The following NYAP2 variants were observed in gnomAD, a reference collection of about 807,000 sequenced individuals.
NYAP2 encodes the protein neuronal tyrosine-phosphorylated phosphoinositide-3-kinase adaptor 2, also known as neuronal tyrosine-phosphorylated phosphoinositide-3-kinase adapter 2.
NYAP2 carries 23 observed loss-of-function variants against 50.4 expected under a neutral mutation model. The observed-to-expected ratio is 0.46, with a 90% confidence interval of 0.33 to 0.65. NYAP2 has a LOEUF of 0.65. Among genes scored for constraint, NYAP2 ranks in the 30% least tolerant of loss-of-function variants. The pLI is 0.02. For missense variants in NYAP2, 885 were observed against 861.0 expected (o/e 1.03, Z -0.35); for synonymous variants, 394 against 365.2 (o/e 1.08, Z -0.90).
At chr2:225,676,479 A>G in the NYAP2 span, among the ~76,000 whole-genome samples, 5 of 152,068 alleles carry the variant, frequency 3.3e-5, no homozygotes, top group Non-Finnish European at 2.9e-5. Flanking sequence ...AGTTTACAAA[A>G]GAAAGAGGTT....
chr2:225,607,458 T>A (rs1453798794), intron 5 of NYAP2, among the ~76,000 whole-genome samples: 1 of 152,158 alleles, frequency 6.6e-6, no homozygotes, highest in Non-Finnish European at 1.5e-5. Flanking sequence ...CATTCTTTTT[T>A]AAGTTGTTAG....
At chr2:225,427,938 C>T (rs1695310393) in intron 3 of NYAP2, among the ~76,000 whole-genome samples, 2 of 152,160 alleles carry the variant, frequency 1.3e-5, no homozygotes, top group Admixed American at 6.5e-5. Flanking sequence ...CTCCTTCCTC[C>T]TATAAACTCC....
At chr2:225,629,433 AT>A (rs753272961) in intron 6 of NYAP2, among the ~76,000 whole-genome samples, 1 of 152,238 alleles carries the variant, frequency 6.6e-6, no homozygotes, top group Non-Finnish European at 1.5e-5. Context: ...CTATCTGGGC[AT>A]TCCTTAACCC....
intron 6 of NYAP2, among the ~76,000 whole-genome samples, chr2:225,648,530 G>A (rs1343653069): frequency 6.6e-6 from 1 of 152,088 alleles, no homozygotes; most frequent in Non-Finnish European, 1.5e-5. Context: ...TTTCTGAGAT[G>A]AGTTGAGATA....
intron 4 of NYAP2, among the ~76,000 whole-genome samples, chr2:225,565,311 A>G (rs1387860379): frequency 6.6e-6 from 1 of 152,158 alleles, no homozygotes; most frequent in African/African-American, 2.4e-5. Context: ...AAATGGTAAT[A>G]TCCCAAAAGT....
At chr2:225,527,322 A>G (rs1239781841) in intron 4 of NYAP2, among the ~76,000 whole-genome samples, 1 of 152,184 alleles carries the variant, frequency 6.6e-6, no homozygotes, top group Non-Finnish European at 1.5e-5. Context: ...GAACTACCAC[A>G]AATGTAATGG....
At chr2:225,408,994 T>G (rs1482621320) in exon 3 of NYAP2, 1 of 1,612,554 alleles carries the variant, frequency 6.2e-7, no homozygotes, top group Admixed American at 1.7e-5. Context: ...TTATTCAGAA[T>G]GCGTCAGATA....
Position 225,582,053 on chromosome 2 carries a change from C to T in NYAP2, c.636C>T (p.Ile212=), listed in dbSNP as rs762889252. 2 of 1,613,896 alleles carry T rather than the reference C, an allele frequency of 1.2e-6. No individual in the cohort carries two copies. The highest frequency in any genetic ancestry group is 1.3e-5 in the African/African-American group (1 of 74,942). Residue 212 remains isoleucine (I), a synonymous_variant, in exon 5 of 7, where the codon ATC becomes ATT. Coordinates refer to ENST00000636099, the Ensembl canonical transcript of NYAP2. The surrounding 1 kb of genome is among the most constrained non-coding windows in gnomAD (Gnocchi z 7.0). ...GCACATCTTTCGATGAAACGTACATCAAAAAGCATGGGCCCCGGAGGACGT... is the reference window on the plus strand; with the variant it reads ...GCACATCTTTCGATGAAACGTACATTAAAAAGCATGGGCCCCGGAGGACGT...
At chr2:225,648,737 G>A (rs1391324169) in intron 6 of NYAP2, among the ~76,000 whole-genome samples, 1 of 152,152 alleles carries the variant, frequency 6.6e-6, no homozygotes, top group Non-Finnish European at 1.5e-5. Flanking sequence ...GCTGGAACTT[G>A]GTTTGCATCC....
chr2:225,574,223 C>T (rs1023212617), intron 4 of NYAP2, among the ~76,000 whole-genome samples: 4 of 152,104 alleles, frequency 2.6e-5, no homozygotes, highest in African/African-American at 2.4e-5. Flanking sequence ...TATCTGCAAC[C>T]GCACAAACCC....
intron 4 of NYAP2, among the ~76,000 whole-genome samples, chr2:225,576,171 C>T (rs1692166627): frequency 6.6e-6 from 1 of 152,170 alleles, no homozygotes; most frequent in Admixed American, 6.5e-5. Flanking sequence ...CTAGTTTAAG[C>T]CAAGACCCTT....
chr2:225,464,773 G>A (rs747904915), intron 3 of NYAP2, among the ~76,000 whole-genome samples: 2 of 152,210 alleles, frequency 1.3e-5, no homozygotes, highest in African/African-American at 2.4e-5. Context: ...GAGTAAGAAC[G>A]TGAGCAATAG....
At chr2:225,537,304 T>C (rs1035226878) in intron 4 of NYAP2, among the ~76,000 whole-genome samples, 1 of 152,216 alleles carries the variant, frequency 6.6e-6, no homozygotes, top group Admixed American at 6.5e-5. Context: ...CAAATGTCGG[T>C]ATCTCACTTT....
chr2:225,681,755 T>A, the NYAP2 span, among the ~76,000 whole-genome samples: 1 of 152,210 alleles, frequency 6.6e-6, no homozygotes, highest in African/African-American at 2.4e-5. Flanking sequence ...GTGGTGGTTT[T>A]GGAGTTAGTT....
At chr2:225,513,257 C>A in intron 3 of NYAP2, 114 bp from the exon 4 acceptor site, 1 of 908,682 alleles carries the variant, frequency 1.1e-6, no homozygotes, top group Non-Finnish European at 1.7e-6. Context: ...CAGCATTTCA[C>A]CGGACTAAAA....
chr2:225,449,547 A>G (rs1015034473), intron 3 of NYAP2, among the ~76,000 whole-genome samples: 1 of 151,936 alleles, frequency 6.6e-6, no homozygotes, highest in Non-Finnish European at 1.5e-5. Context: ...TCATTTTAAA[A>G]TATCCTTTTC....
the NYAP2 span, among the ~76,000 whole-genome samples, chr2:225,667,465 G>T: frequency 6.6e-6 from 1 of 152,142 alleles, no homozygotes; most frequent in Non-Finnish European, 1.5e-5. Flanking sequence ...GTAGAAAAAT[G>T]ATTAGGGGAT....
intron 6 of NYAP2, among the ~76,000 whole-genome samples, chr2:225,643,043 A>G (rs1374313365): frequency 6.6e-6 from 1 of 152,170 alleles, no homozygotes; most frequent in African/African-American, 2.4e-5. Context: ...AAAATAAATG[A>G]CCTTAATAAA....
chr2:225,669,492 C>T, the NYAP2 span, among the ~76,000 whole-genome samples: 4 of 151,966 alleles, frequency 2.6e-5, no homozygotes. Flanking sequence ...AGAGATAAAA[C>T]TGGCAGCTTA....
Sources: allele counts gnomAD v4.1 joint callset (sites outside exome capture counted in the v4.1 genomes callset), GRCh38; gene constraint gnomAD v4.1.1; non-coding constraint Gnocchi (gnomAD v3.1); transcripts MANE v1.5; gene names NCBI Gene and HGNC (gene_info 2026-07-23, HGNC 2026-07-21).